The following ZC3H12B variants were observed in gnomAD, a reference collection of about 807,000 sequenced individuals.
ZC3H12B encodes the protein zinc finger CCCH-type containing 12B, also known as probable ribonuclease ZC3H12B.
A neutral mutation model predicts 43.9 loss-of-function variants in ZC3H12B; 7 were observed. The observed-to-expected ratio is 0.16, with a 90% CI of 0.09 to 0.30. The LOEUF (loss-of-function observed/expected upper bound fraction) is 0.30, where lower values mean the gene tolerates loss of function less well. Among genes scored for constraint, ZC3H12B ranks in the 10% least tolerant of loss-of-function variants. The pLI is 1.00. For missense variants in ZC3H12B, 475 were observed against 670.2 expected (o/e 0.71, Z 3.22); for synonymous variants, 222 against 241.7 (o/e 0.92, Z 0.76).
At chrX:65,295,864 A>G in the ZC3H12B span, among the ~76,000 whole-genome samples, 1 of 111,479 alleles carries the variant, frequency 9.0e-6, no homozygotes, top group Non-Finnish European at 1.9e-5. Context: ...GAAGAAATAG[A>G]ATCTCTTAAC....
At chrX:65,321,449 G>A in the ZC3H12B span, among the ~76,000 whole-genome samples, 461 of 111,935 alleles carry the variant, frequency 4.1e-3, 2 homozygotes, top group African/African-American at 0.013. Context: ...TACACTGTTG[G>A]TGTGAGTGTA....
the ZC3H12B span, among the ~76,000 whole-genome samples, chrX:65,195,224 G>A: frequency 9.0e-6 from 1 of 110,751 alleles, no homozygotes; most frequent in Admixed American, 9.6e-5. Flanking sequence ...TGGTTGATTT[G>A]TGGTCTTCTT....
At chrX:65,091,205 C>T in the ZC3H12B span, among the ~76,000 whole-genome samples, 3 of 111,858 alleles carry the variant, frequency 2.7e-5, no homozygotes, top group East Asian at 2.8e-4. Context: ...TGATCAAAGA[C>T]GAAGGCAATG....
chrX:65,385,141 C>T (rs1228653539), intron 2 of ZC3H12B, among the ~76,000 whole-genome samples: 4 of 111,856 alleles, frequency 3.6e-5, no homozygotes, highest in Non-Finnish European at 5.6e-5. Flanking sequence ...GGCTCTTTTT[C>T]GGTTCTGTGT....
chrX:65,340,307 A>G, the ZC3H12B span, among the ~76,000 whole-genome samples: 4 of 111,983 alleles, frequency 3.6e-5, no homozygotes, highest in African/African-American at 1.3e-4. Context: ...ACACCCACAC[A>G]TACACATGTA....
Position 65,460,694 on chromosome X carries a change from A to T in ZC3H12B, n.408-27952A>T, listed in dbSNP as rs777429699. 2.3e-3 allele frequency among the ~76,000 whole-genome samples: 259 copies of T among 112,049 alleles called. 2 individuals carry two copies. Among genetic ancestry groups the T allele is most frequent in the Non-Finnish European group, 4.1e-3 (218 of 53,219 alleles). Reference sequence around the variant, plus strand: ...AAACTGGATCCCTTCCTTACACCTTATACTAAAATTAATTCAAGATGGATT... The same window carrying T: ...AAACTGGATCCCTTCCTTACACCTTTTACTAAAATTAATTCAAGATGGATT... On this transcript the variant is annotated intron_variant and non_coding_transcript_variant, in intron 3 of 5. Coordinates refer to the ZC3H12B transcript ENST00000617377.
the ZC3H12B span, among the ~76,000 whole-genome samples, chrX:65,243,292 A>G: frequency 8.9e-6 from 1 of 112,596 alleles, no homozygotes; most frequent in Admixed American, 9.4e-5. Flanking sequence ...GTTCTGTTTT[A>G]CAAATGGGTG....
chrX:65,357,885 G>T, the ZC3H12B span, among the ~76,000 whole-genome samples: 1 of 111,271 alleles, frequency 9.0e-6, no homozygotes, highest in African/African-American at 3.3e-5. Context: ...CCAATTAAAA[G>T]ATACAGTCTG....
In ZC3H12B at chrX:65,433,808, C is replaced by G. The variant is rs922630588; in HGVS notation, n.407+35104C>G. ...ATCTTGTGCTCTTCATCATGAGGAGCTGGCCTACCCTTCATTCAAGAGTTT... is the reference window on the plus strand; with the variant it reads ...ATCTTGTGCTCTTCATCATGAGGAGGTGGCCTACCCTTCATTCAAGAGTTT... On this transcript the variant is annotated intron_variant and non_coding_transcript_variant, in intron 3 of 5. Transcript: ENST00000617377. 2.7e-5 allele frequency among the ~76,000 whole-genome samples: 3 copies of G among 111,858 alleles called. No homozygotes were observed. In the Admixed American group the frequency reaches 2.9e-4, roughly 11 times the overall value.
the ZC3H12B span, among the ~76,000 whole-genome samples, chrX:65,240,921 T>C: frequency 1.4e-4 from 16 of 111,677 alleles, 1 homozygote; most frequent in Non-Finnish European, 7.5e-5. Flanking sequence ...GGTGCTTCTT[T>C]CTCTAGGAGC....
At chrX:65,464,225 C>T (rs1415122076) in intron 3 of ZC3H12B, among the ~76,000 whole-genome samples, 2 of 111,936 alleles carry the variant, frequency 1.8e-5, no homozygotes, top group African/African-American at 6.5e-5. Context: ...CTGTTCTTAG[C>T]TTTGAGCTTC....
chrX:65,440,746 G>T (rs1346867355), intron 3 of ZC3H12B, among the ~76,000 whole-genome samples: 1 of 112,351 alleles, frequency 8.9e-6, no homozygotes, highest in Non-Finnish European at 1.9e-5. Flanking sequence ...ATGTGTAACT[G>T]AATTGATGGC....
At chrX:65,158,784 C>G in the ZC3H12B span, among the ~76,000 whole-genome samples, 1 of 111,670 alleles carries the variant, frequency 9.0e-6, no homozygotes, top group South Asian at 3.7e-4. Context: ...TAATTAGATC[C>G]CATTTGTCAA....
chrX:65,229,391 G>C, the ZC3H12B span, among the ~76,000 whole-genome samples: 3 of 108,433 alleles, frequency 2.8e-5, no homozygotes, highest in African/African-American at 1.0e-4. Context: ...ATTCAAGATG[G>C]ATTAAAGACT....
chrX:65,334,420 A>G, the ZC3H12B span, among the ~76,000 whole-genome samples: 2 of 112,067 alleles, frequency 1.8e-5, no homozygotes, highest in Non-Finnish European at 1.9e-5. Flanking sequence ...ACATTCCCAT[A>G]CCTTCTTATA....
the ZC3H12B span, among the ~76,000 whole-genome samples, chrX:65,155,447 G>T: frequency 9.0e-6 from 1 of 111,338 alleles, no homozygotes; most frequent in Non-Finnish European, 1.9e-5. Flanking sequence ...CTTTTCTTTT[G>T]TCATATATTG....
chrX:65,095,876 A>G, the ZC3H12B span, among the ~76,000 whole-genome samples: 1 of 110,824 alleles, frequency 9.0e-6, no homozygotes, highest in African/African-American at 3.3e-5. Flanking sequence ...GCTCTAAATC[A>G]TAGGACTGTA....
At chrX:65,285,177 A>C in the ZC3H12B span, among the ~76,000 whole-genome samples, 1 of 110,209 alleles carries the variant, frequency 9.1e-6, no homozygotes, top group East Asian at 2.9e-4. Context: ...TACATGGATA[A>C]GTTCTTTAGC....
chrX:65,290,405 C>A, the ZC3H12B span, among the ~76,000 whole-genome samples: 2 of 110,554 alleles, frequency 1.8e-5, no homozygotes, highest in East Asian at 5.7e-4. Context: ...TAAACTGATA[C>A]AAACACTATG....
Sources: allele counts gnomAD v4.1 joint callset (sites outside exome capture counted in the v4.1 genomes callset), GRCh38; gene constraint gnomAD v4.1.1; transcripts MANE v1.5; gene names NCBI Gene and HGNC (gene_info 2026-07-23, HGNC 2026-07-21).